Variants in KDM2B observed in about 807,000 individuals in gnomAD.
KDM2B encodes the protein lysine demethylase 2B.
In KDM2B, 26 loss-of-function variants were observed where a neutral mutation model predicts 150.0. That is an observed-to-expected ratio of 0.17 (90% CI 0.13 to 0.24). The LOEUF (loss-of-function observed/expected upper bound fraction) is 0.24. Ranked by LOEUF, KDM2B falls within the 10% of genes least tolerant of loss-of-function variation. KDM2B has a pLI of 1.00. For missense variants in KDM2B, 1,265 were observed against 1,816.9 expected (o/e 0.70, Z 5.52); for synonymous variants, 734 against 729.5 (o/e 1.01, Z -0.10).
Position 121,430,410 on chromosome 12 carries a change from G to A in KDM2B, c.3889C>T (p.His1297Tyr), listed in dbSNP as rs782596102. 1 of 1,614,112 alleles carries A rather than the reference G, an allele frequency of 6.2e-7. No homozygotes were observed. Among genetic ancestry groups the A allele is most frequent in the Non-Finnish European group, 8.5e-7 (1 of 1,180,014 alleles). The change falls in exon 23 of 23, where the codon CAT becomes TAT. Residue 1297 changes from histidine (H) to tyrosine (Y), a missense_variant. Transcript: ENST00000377071. The surrounding 1 kb of genome is among the most constrained non-coding windows in gnomAD (Gnocchi z 4.4). ...TGCTTGCAGTACCTCAGGTCAATAT[G>A]ACAGATGTTTCCACAGCGTTTGAAG... ...SFFKRCGNICHIDLRYCKQVT... is the reference protein window; with the variant it reads ...SFFKRCGNICYIDLRYCKQVT...
intron 4 of KDM2B, among the ~76,000 whole-genome samples, chr12:121,551,047 A>C (rs1889448588): frequency 6.6e-6 from 1 of 152,100 alleles, no homozygotes. Flanking sequence ...GAAAACCCGT[A>C]AGTATTTACT....
At chr12:121,543,615 G>A (rs1888778760) in intron 6 of KDM2B, among the ~76,000 whole-genome samples, 1 of 151,562 alleles carries the variant, frequency 6.6e-6, no homozygotes, top group South Asian at 2.1e-4. Flanking sequence ...CACGAGGTCA[G>A]GAGATCGAAA....
At chr12:121,456,497 A>G (rs1247728375) in intron 12 of KDM2B, among the ~76,000 whole-genome samples, 1 of 152,168 alleles carries the variant, frequency 6.6e-6, no homozygotes. Flanking sequence ...TCAGGTGTGA[A>G]GTGGCCAGCG....
chr12:121,529,578 C>T (rs988081031), intron 8 of KDM2B, among the ~76,000 whole-genome samples: 10 of 152,054 alleles, frequency 6.6e-5, no homozygotes, highest in Non-Finnish European at 1.5e-4. Context: ...TGTGTCTGTA[C>T]GTGGCTCAGA....
chr12:121,530,874 G>T (rs1229213374), intron 8 of KDM2B, among the ~76,000 whole-genome samples: 2 of 152,018 alleles, frequency 1.3e-5, no homozygotes, highest in African/African-American at 4.8e-5. Context: ...GAGACTTAAG[G>T]CCTGTTAGGC....
chr12:121,580,928 G>T lies in KDM2B; in HGVS notation c.-17C>A, dbSNP rs374373016. ...ACCCGCCATGTGGAGGAGGCATTTGGGGGGCTCAGAAGGAAATTAGCTCGG... is the reference window on the plus strand; with the variant it reads ...ACCCGCCATGTGGAGGAGGCATTTGTGGGGCTCAGAAGGAAATTAGCTCGG... On this transcript the variant is annotated 5_prime_UTR_variant, in exon 1 of 23. Coordinates refer to ENST00000377071, the MANE Select transcript of KDM2B (RefSeq NM_032590.5). The T allele has an allele frequency of 6.2e-7, 1 of 1,612,240 alleles. No individual in the cohort carries two copies. Among genetic ancestry groups the T allele is most frequent in the African/African-American group, 1.3e-5 (1 of 74,706 alleles).
At chr12:121,508,561 A>G (rs571246358) in intron 11 of KDM2B, among the ~76,000 whole-genome samples, 10 of 152,276 alleles carry the variant, frequency 6.6e-5, no homozygotes, top group African/African-American at 2.4e-4. Flanking sequence ...GGCATCAGAC[A>G]TTGGAGAAGG....
rs191850073 is a variant in KDM2B, at chr12:121,521,818, C to T, written c.932-718G>A. ...GACACAGTCACCATCACAAGGGAAA[C>T]GGAGGCAGGGCCAGGTGTAGTGGTG... is the stretch of plus-strand genomic sequence containing the variant. On this transcript the variant is annotated intron_variant, in intron 8 of 22. Coordinates refer to ENST00000377071, the MANE Select transcript of KDM2B (RefSeq NM_032590.5). This position sits in a 1 kb window ranked among gnomAD's most constrained non-coding sequence, Gnocchi z 4.9. 1.4e-4 allele frequency among the ~76,000 whole-genome samples: 21 copies of T among 152,266 alleles called. No individual in the cohort carries two copies. Among genetic ancestry groups the T allele is most frequent in the Non-Finnish European group, 2.6e-4 (18 of 68,024 alleles).
At chr12:121,444,675 A>G in intron 14 of KDM2B, 139 bp from the exon 15 acceptor site, 1 of 712,446 alleles carries the variant, frequency 1.4e-6, no homozygotes, top group Non-Finnish European at 2.5e-6. Flanking sequence ...CAGGCAAAAG[A>G]AAACACAGCT....
At position 121,537,093 on chromosome 12, in the gene KDM2B, C is replaced by A. The variant is rs1382871886; in HGVS notation, c.684-2503G>T. 6.6e-6 allele frequency among the ~76,000 whole-genome samples: 1 copy of A among 152,116 alleles called. No individual in the cohort carries two copies. The highest frequency in any genetic ancestry group is 1.5e-5 in the Non-Finnish European group (1 of 67,990). On this transcript the variant is annotated intron_variant, in intron 6 of 22. Coordinates refer to ENST00000377071, the MANE Select transcript of KDM2B (RefSeq NM_032590.5). This position sits in a 1 kb window ranked among gnomAD's most constrained non-coding sequence, Gnocchi z 8.7. ...TCCAGACCTGCCTCTCCCGGAGAGG[C>A]CCCTCCTCCCGGTGTCCCTCATTTC... is the stretch of plus-strand genomic sequence containing the variant.
chr12:121,498,970 CGACT>C (rs1415485049), intron 11 of KDM2B, among the ~76,000 whole-genome samples: 2 of 151,950 alleles, frequency 1.3e-5, no homozygotes, highest in East Asian at 1.9e-4. Flanking sequence ...CCACCACGAC[CGACT>C]AATTTTTTAA....
chr12:121,461,480 G>A (rs1879112922), intron 12 of KDM2B, among the ~76,000 whole-genome samples: 1 of 152,162 alleles, frequency 6.6e-6, no homozygotes, highest in African/African-American at 2.4e-5. Flanking sequence ...GAAGGCAGGA[G>A]CAGAAGGAAT....
the KDM2B span, chr12:121,416,296 C>T: frequency 6.2e-7 from 1 of 1,614,132 alleles, no homozygotes; most frequent in Non-Finnish European, 8.5e-7. Context: ...CTGAGTTTTC[C>T]ACCTACCCAC....
downstream of KDM2B, among the ~76,000 whole-genome samples, chr12:121,428,360 T>G (rs1872616378): frequency 6.6e-6 from 1 of 152,158 alleles, no homozygotes; most frequent in African/African-American, 2.4e-5. Context: ...TCCTGGCTAA[T>G]TTTTGTATTT....
rs1218443299 is a variant in KDM2B, at chr12:121,575,413, A to T, written c.350+368T>A. On this transcript the variant is annotated intron_variant, in intron 3 of 22. Coordinates refer to ENST00000377071, the MANE Select transcript of KDM2B (RefSeq NM_032590.5). The surrounding 1 kb of genome is among the most constrained non-coding windows in gnomAD (Gnocchi z 4.4). ...ATCTAGGTGCCCTGGGTCTGGGCTTAGAGGCTGGCTAGTCTCTTTGCAGCT... is the reference window on the plus strand; with the variant it reads ...ATCTAGGTGCCCTGGGTCTGGGCTTTGAGGCTGGCTAGTCTCTTTGCAGCT... Among the ~76,000 whole-genome samples, 3 of 152,266 alleles carry T rather than the reference A, an allele frequency of 2.0e-5. No individual in the cohort carries two copies. Among genetic ancestry groups the T allele is most frequent in the Non-Finnish European group, 1.5e-5 (1 of 68,040 alleles).
chr12:121,446,208 C>A (rs113436847), intron 13 of KDM2B, among the ~76,000 whole-genome samples: 2,122 of 151,234 alleles, frequency 0.014, 30 homozygotes, highest in South Asian at 0.043. Flanking sequence ...ATCCCGGCTA[C>A]CACGGTGAAA....
intron 6 of KDM2B, among the ~76,000 whole-genome samples, chr12:121,540,754 CAAA>C (rs60199948): frequency 1.4e-4 from 9 of 64,468 alleles, no homozygotes; most frequent in South Asian, 5.0e-4. Flanking sequence ...GACTCTGTCT[CAAA>C]AAAAAAAAAA....
chr12:121,505,285 CAAAAAAAAAAA>C (rs34080184), intron 11 of KDM2B, among the ~76,000 whole-genome samples: 1 of 84,414 alleles, frequency 1.2e-5, no homozygotes, highest in Non-Finnish European at 2.9e-5. Flanking sequence ...GATTGCATCT[CAAAAAAAAAAA>C]AAAAAAATTG....
chr12:121,546,056 G>A lies in KDM2B; in HGVS notation c.683+2821C>T, dbSNP rs80137717. 3.4e-4 allele frequency among the ~76,000 whole-genome samples: 52 copies of A among 152,172 alleles called. No individual in the cohort carries two copies. The East Asian group carries it at 0.01, about 29-fold the overall frequency. On this transcript the variant is annotated intron_variant, in intron 6 of 22. Coordinates refer to ENST00000377071, the MANE Select transcript of KDM2B (RefSeq NM_032590.5). ...CCTAGTACCAGCTCTGGGGCACTGT[G>A]GGCCTCATCGCAGCTGCAAGTTCCC... is the stretch of plus-strand genomic sequence containing the variant.
Sources: allele counts gnomAD v4.1 joint callset (sites outside exome capture counted in the v4.1 genomes callset), GRCh38; gene constraint gnomAD v4.1.1; non-coding constraint Gnocchi (gnomAD v3.1); transcripts MANE v1.5; gene names NCBI Gene and HGNC (gene_info 2026-07-23, HGNC 2026-07-21).